Variants in PDE4B observed in about 807,000 individuals in gnomAD.
The protein encoded by PDE4B is 3',5'-cyclic-AMP phosphodiesterase 4B.
A neutral mutation model predicts 82.2 loss-of-function variants in PDE4B; 20 were observed. That is an observed-to-expected ratio of 0.24 (90% CI 0.17 to 0.35). The LOEUF is 0.35. PDE4B is among the 10% of genes least tolerant of loss of function. PDE4B has a pLI of 1.00. For synonymous variants in PDE4B, 320 were observed against 318.9 expected, an observed-to-expected ratio of 1.00 and a Z score of -0.04; for missense variants, 655 against 907.2, an observed-to-expected ratio of 0.72 and a Z score of 3.57.
At chr1:66,301,418 T>TA (rs962007851) in intron 7 of PDE4B, among the ~76,000 whole-genome samples, 5 of 151,942 alleles carry the variant, frequency 3.3e-5, no homozygotes, top group Admixed American at 2.6e-4. Flanking sequence ...GATCCTGAGG[T>TA]AAAAAAGGAC....
chr1:66,067,992 T>C (rs1309242395), intron 3 of PDE4B, among the ~76,000 whole-genome samples: 1 of 151,090 alleles, frequency 6.6e-6, no homozygotes, highest in Non-Finnish European at 1.5e-5. Flanking sequence ...TACCTAATGC[T>C]AAATGACGAG....
chr1:65,839,857 A>G (rs1401401132), intron 1 of PDE4B, among the ~76,000 whole-genome samples: 1 of 152,194 alleles, frequency 6.6e-6, no homozygotes, highest in Admixed American at 6.5e-5. Context: ...ACTGTCTTCC[A>G]CAATGGTTGA....
intron 3 of PDE4B, among the ~76,000 whole-genome samples, chr1:66,099,159 G>A (rs905086032): frequency 1.3e-5 from 2 of 150,672 alleles, no homozygotes; most frequent in African/African-American, 4.8e-5. Flanking sequence ...TTGTTCCCCC[G>A]CCCCCGTGTC....
At chr1:65,904,063 A>G (rs1014088468) in intron 1 of PDE4B, among the ~76,000 whole-genome samples, 1 of 152,212 alleles carries the variant, frequency 6.6e-6, no homozygotes, top group African/African-American at 2.4e-5. Flanking sequence ...GCTTAAAACA[A>G]GAATGAACTA....
chr1:66,258,087 C>T (rs545213970), intron 6 of PDE4B, among the ~76,000 whole-genome samples: 1 of 152,126 alleles, frequency 6.6e-6, no homozygotes, highest in Non-Finnish European at 1.5e-5. Context: ...ACCCATAAGA[C>T]TCAGTACCAA....
At chr1:66,320,958 A>C (rs1659360046) in intron 7 of PDE4B, among the ~76,000 whole-genome samples, 2 of 152,204 alleles carry the variant, frequency 1.3e-5, no homozygotes. Flanking sequence ...GAAATGCTTG[A>C]GCAGAAACAA....
chr1:66,084,885 G>A (rs556781168), intron 3 of PDE4B, among the ~76,000 whole-genome samples: 111 of 152,254 alleles, frequency 7.3e-4, no homozygotes, highest in Non-Finnish European at 1.2e-3. Flanking sequence ...TCTTGTTTTG[G>A]TTGGAAACAG....
At chr1:66,022,234 T>G (rs1363440973) in intron 3 of PDE4B, among the ~76,000 whole-genome samples, 1 of 152,234 alleles carries the variant, frequency 6.6e-6, no homozygotes, top group Non-Finnish European at 1.5e-5. Context: ...TTTCTAAATA[T>G]ACAATCATGT....
At chr1:66,099,296 T>A (rs1280291164) in intron 3 of PDE4B, among the ~76,000 whole-genome samples, 3 of 152,126 alleles carry the variant, frequency 2.0e-5, no homozygotes, top group Non-Finnish European at 4.4e-5. Flanking sequence ...AAGGACATGA[T>A]CTCATTCTTT....
intron 8 of PDE4B, among the ~76,000 whole-genome samples, chr1:66,345,209 C>G (rs1399072853): frequency 6.6e-6 from 1 of 151,980 alleles, no homozygotes; most frequent in Non-Finnish European, 1.5e-5. Context: ...TCTCTTTGCT[C>G]AAAAGTTGAG....
intron 12 of PDE4B, among the ~76,000 whole-genome samples, chr1:66,364,254 TA>T (rs968196022): frequency 2.0e-5 from 3 of 152,144 alleles, no homozygotes; most frequent in African/African-American, 7.2e-5. Flanking sequence ...CTTAGTCTCC[TA>T]AAAAATTATA....
At chr1:66,117,903 T>C (rs922933633) in intron 3 of PDE4B, among the ~76,000 whole-genome samples, 5 of 152,204 alleles carry the variant, frequency 3.3e-5, no homozygotes, top group Non-Finnish European at 7.4e-5. Context: ...TCCACAATGG[T>C]TGAACTAGTT....
intron 1 of PDE4B, among the ~76,000 whole-genome samples, chr1:65,871,065 G>T (rs1233190686): frequency 6.6e-6 from 1 of 152,128 alleles, no homozygotes; most frequent in Non-Finnish European, 1.5e-5. Flanking sequence ...CAGGGACAGG[G>T]GATGATGACA....
At chr1:66,021,157 G>A (rs1653084785) in intron 3 of PDE4B, among the ~76,000 whole-genome samples, 1 of 152,134 alleles carries the variant, frequency 6.6e-6, no homozygotes, top group African/African-American at 2.4e-5. Context: ...ACTTTTTGAT[G>A]GGGTTGTTTG....
chr1:66,193,233 C>T (rs1158717285), intron 3 of PDE4B, among the ~76,000 whole-genome samples: 25 of 152,122 alleles, frequency 1.6e-4, no homozygotes, highest in Admixed American at 1.4e-3. Context: ...ATTTTTTAAA[C>T]TGCCTTTGGT....
At chr1:66,203,681 C>T (rs959277808) in intron 3 of PDE4B, among the ~76,000 whole-genome samples, 1 of 152,150 alleles carries the variant, frequency 6.6e-6, no homozygotes, top group Non-Finnish European at 1.5e-5. Flanking sequence ...GTTCTCGAGC[C>T]TTGGCTTTCA....
chr1:65,842,574 G>A (rs1311883873), intron 1 of PDE4B, among the ~76,000 whole-genome samples: 1 of 152,102 alleles, frequency 6.6e-6, no homozygotes, highest in Non-Finnish European at 1.5e-5. Flanking sequence ...TATTGTTACT[G>A]GATTTAAGTC....
At chr1:66,364,184 G>A (rs539714342) in intron 12 of PDE4B, among the ~76,000 whole-genome samples, 58 of 152,078 alleles carry the variant, frequency 3.8e-4, no homozygotes, top group African/African-American at 9.4e-4. Flanking sequence ...ATTCCAAGGG[G>A]GATATCACAG....
chr1:66,171,655 A>G (rs1347267195), intron 3 of PDE4B, among the ~76,000 whole-genome samples: 1 of 152,126 alleles, frequency 6.6e-6, no homozygotes, highest in African/African-American at 2.4e-5. Flanking sequence ...ACTGTTGAAA[A>G]TTACAGCTTG....
Sources: allele counts gnomAD v4.1 joint callset (sites outside exome capture counted in the v4.1 genomes callset), GRCh38; gene constraint gnomAD v4.1.1; transcripts MANE v1.5; gene names NCBI Gene and HGNC (gene_info 2026-07-23, HGNC 2026-07-21).